DHX16: variants seen among roughly 807,000 people sequenced by gnomAD.
The protein encoded by DHX16 is DEAH-box helicase 16, also known as pre-mRNA-splicing factor ATP-dependent RNA helicase DHX16.
A neutral mutation model predicts 131.2 loss-of-function variants in DHX16; 81 were observed. The ratio of observed to expected loss-of-function variants is 0.62; its 90% CI spans 0.52 to 0.74. The LOEUF (loss-of-function observed/expected upper bound fraction) is 0.74. Among genes scored for constraint, DHX16 ranks in the 30% least tolerant of loss-of-function variants. DHX16 has a pLI of 0.00. For missense variants in DHX16, 980 were observed against 1,363.1 expected, an observed-to-expected ratio of 0.72 and a Z score of 4.43; for synonymous variants, 440 against 520.2, an observed-to-expected ratio of 0.85 and a Z score of 2.10.
Position 30,672,767 on chromosome 6 carries a change from G to A in DHX16, c.75C>T (p.His25=), listed in dbSNP as rs1291901091. The stretch of plus-strand genomic sequence containing the variant: ...CGGTACCGATCAGAAACTGGGCGAC[G>A]TGCCGCTCGCTCAGCCCCAACACCG... ...LHSVLGLSER[H]VAQFLIGTAQ... is the part of the protein sequence containing the mutation. The change falls in exon 1 of 20, where the codon CAC becomes CAT. Residue 25 remains histidine, a synonymous_variant. Coordinates refer to ENST00000376442, the MANE Select transcript of DHX16 (RefSeq NM_003587.5). The A allele has an allele frequency of 2.5e-6, 4 of 1,612,928 alleles. No individual in the cohort carries two copies. Among genetic ancestry groups the A allele is most frequent in the Non-Finnish European group, 3.4e-6 (4 of 1,180,044 alleles).
At chr6:30,668,210 TGAAAA>T (rs1769215528) in intron 4 of DHX16, among the ~76,000 whole-genome samples, 1 of 152,176 alleles carries the variant, frequency 6.6e-6, no homozygotes. Context: ...TTAAATGGTC[TGAAAA>T]GAAAAAACAT....
Position 30,659,799 on chromosome 6 carries a change from T to C in DHX16, c.1791A>G (p.Val597=). 1 of 1,614,180 alleles carries C rather than the reference T, an allele frequency of 6.2e-7. No individual in the cohort carries two copies. The highest frequency in any genetic ancestry group is 8.5e-7 in the Non-Finnish European group (1 of 1,180,020). The change falls in exon 11 of 20, where the codon GTA becomes GTG. Residue 597 remains valine (V), a synonymous_variant. Transcript: ENST00000376442. The stretch of plus-strand genomic sequence containing the variant: ...GGGTCACATGGATCTGCAACACAGA[T>C]ACTACACAAGCTTCCAAGTAGTCAG... ...PEADYLEACV[V]SVLQIHVTQP... is the part of the protein sequence containing the mutation.
chr6:30,668,417 G>A (rs750610532), intron 4 of DHX16, among the ~76,000 whole-genome samples: 3 of 152,112 alleles, frequency 2.0e-5, no homozygotes, highest in African/African-American at 4.8e-5. Flanking sequence ...TTGGGAGACC[G>A]AGGGGGGTGG....
intron 19 of DHX16, among the ~76,000 whole-genome samples, chr6:30,653,931 C>G (rs1387604400): frequency 1.3e-5 from 2 of 151,882 alleles, no homozygotes. Context: ...ATCAGCCTGG[C>G]CAACATGGTG....
rs1350696998 is a variant in DHX16, at chr6:30,670,279, C to T, written c.666+131G>A. ...CAGCTGGCTCCTAACAACCAAGCCC[C>T]TCTTCTAGAAACCTGACCACCCCAT... On this transcript the variant is annotated intron_variant, in intron 4 of 19. Transcript: ENST00000376442. This position sits in a 1 kb window ranked among gnomAD's most constrained non-coding sequence, Gnocchi z 4.4. 1.0e-5 allele frequency: 9 copies of T among 857,398 alleles called. No homozygotes were observed. Among genetic ancestry groups the T allele is most frequent in the Non-Finnish European group, 1.6e-5 (9 of 564,784 alleles). 53.1% of individuals were successfully genotyped at this position (857,398 alleles called of 1,614,324 possible). A position where few individuals can be genotyped will look rare whatever the true frequency, so the allele number is the denominator to read the frequency against.
rs113895272 is a variant in DHX16, at chr6:30,656,615, A to G, written c.2293T>C (p.Leu765=). Residue 765 remains leucine, a synonymous_variant, in exon 14 of 20, where the codon TTG becomes CTG. Transcript: ENST00000376442. The surrounding 1 kb of genome is among the most constrained non-coding windows in gnomAD (Gnocchi z 5.1). ...IQRTSLGNVV[L]LLKSLGIHDL... ...CAATCACCTAAGCTCTTGAGCAGCAACACGACATTGCCCAAGCTGGTCCTC... is the reference window on the plus strand; with the variant it reads ...CAATCACCTAAGCTCTTGAGCAGCAGCACGACATTGCCCAAGCTGGTCCTC... 2 of 1,613,976 alleles carry G rather than the reference A, an allele frequency of 1.2e-6. No individual in the cohort carries two copies. Among genetic ancestry groups the G allele is most frequent in the African/African-American group, 2.7e-5 (2 of 74,896 alleles).
intron 1 of DHX16, among the ~76,000 whole-genome samples, chr6:30,671,612 TG>T (rs1255562932): frequency 1.3e-5 from 2 of 152,118 alleles, no homozygotes; most frequent in African/African-American, 4.8e-5. Flanking sequence ...CCCAAAGTGC[TG>T]GGATTACAGG....
intron 1 of DHX16, 85 bp from the exon 2 acceptor site, chr6:30,671,359 T>A: frequency 7.6e-7 from 1 of 1,315,438 alleles, no homozygotes; most frequent in Non-Finnish European, 1.1e-6. Context: ...TTTAAGCAAT[T>A]ACTTAGTCTT....
intron 4 of DHX16, among the ~76,000 whole-genome samples, chr6:30,667,218 T>C (rs1311468434): frequency 6.6e-6 from 1 of 152,154 alleles, no homozygotes; most frequent in Non-Finnish European, 1.5e-5. Context: ...TTGTTCCTAG[T>C]TGTTGAGGAA....
chr6:30,670,814 A>T lies in DHX16; in HGVS notation c.585T>A (p.Asn195Lys), dbSNP rs766894198. The T allele has an allele frequency of 6.2e-7, 1 of 1,612,996 alleles. No homozygotes were observed. Among genetic ancestry groups the T allele is most frequent in the Non-Finnish European group, 8.5e-7 (1 of 1,180,028 alleles). ...CCTTCTTGTCTGACCGTTCCAGGAC[A>T]TTTCGAGTCCGATCCTTGTCCCGCT... ...VRQRDKDRTRNVLERSDKKAY... is the reference protein window; with the variant it reads ...VRQRDKDRTRKVLERSDKKAY... The change falls in exon 3 of 20, where the codon AAT becomes AAA. Residue 195 changes from asparagine to lysine, a missense_variant. Coordinates refer to ENST00000376442, the MANE Select transcript of DHX16 (RefSeq NM_003587.5). The surrounding 1 kb of genome is among the most constrained non-coding windows in gnomAD (Gnocchi z 4.4).
At chr6:30,668,888 C>T (rs544014829) in intron 4 of DHX16, among the ~76,000 whole-genome samples, 5 of 151,226 alleles carry the variant, frequency 3.3e-5, no homozygotes, top group African/African-American at 1.2e-4. Context: ...GGTGGATCAC[C>T]TGAGGTCAGG....
Position 30,670,910 on chromosome 6 carries a change from C to CTCATCTT in DHX16, c.482_488dup (p.Trp164ArgfsTer2). On this transcript the variant is annotated stop_gained and frameshift_variant, in exon 3 of 20. Coordinates refer to ENST00000376442, the MANE Select transcript of DHX16 (RefSeq NM_003587.5). LOFTEE classifies it high-confidence loss of function. This position sits in a 1 kb window ranked among gnomAD's most constrained non-coding sequence, Gnocchi z 4.4. ...GGCGTTCACGCTCTGTCCGTTCCCACTCATCTTCCGACTCTGGCTTCTCTG... is the reference window on the plus strand; with the variant it reads ...GGCGTTCACGCTCTGTCCGTTCCCACTCATCTTTCATCTTCCGACTCTGGCTTCTCTG... 6.2e-7 allele frequency: 1 copy of CTCATCTT among 1,613,120 alleles called. No individual in the cohort carries two copies. Among genetic ancestry groups the CTCATCTT allele is most frequent in the Non-Finnish European group, 8.5e-7 (1 of 1,180,038 alleles).
chr6:30,655,356 G>T lies in DHX16; in HGVS notation c.2662-20C>A, dbSNP rs1216375692. On this transcript the variant is annotated intron_variant, in intron 17 of 19. Coordinates refer to ENST00000376442, the MANE Select transcript of DHX16 (RefSeq NM_003587.5). ...AGCCCACTGGGAAGACAGTTAAAAA[G>T]AAAGGAGAGATAATTAAGTATACAG... 7.4e-6 allele frequency: 12 copies of T among 1,613,766 alleles called. No individual in the cohort carries two copies. Among genetic ancestry groups the T allele is most frequent in the Non-Finnish European group, 1.0e-5 (12 of 1,179,772 alleles).
chr6:30,662,497 G>A lies in DHX16; in HGVS notation c.1544+130C>T, dbSNP rs1768602344. The A allele has an allele frequency of 1.1e-5, 8 of 715,138 alleles. No homozygotes were observed. Among genetic ancestry groups the A allele is most frequent in the South Asian group, 3.3e-5 (2 of 60,338 alleles). 44.3% of individuals were successfully genotyped at this position (715,138 alleles called of 1,614,324 possible). ...TCTTCTGTCCTCCAGCCCCATCTCC[G>A]TGGTACCTGGAGGTCAGTTCAAGGA... On this transcript the variant is annotated intron_variant, in intron 9 of 19. Transcript: ENST00000376442. This position sits in a 1 kb window ranked among gnomAD's most constrained non-coding sequence, Gnocchi z 4.7.
At chr6:30,667,616 C>T (rs1352540406) in intron 4 of DHX16, among the ~76,000 whole-genome samples, 1 of 151,626 alleles carries the variant, frequency 6.6e-6, no homozygotes, top group Non-Finnish European at 1.5e-5. Flanking sequence ...TTTTGCAATC[C>T]CCAATAAAAA....
At chr6:30,657,643 C>T (rs938885492) in intron 12 of DHX16, among the ~76,000 whole-genome samples, 2 of 152,122 alleles carry the variant, frequency 1.3e-5, no homozygotes, top group Admixed American at 1.3e-4. Context: ...CCTCACTCCT[C>T]CCACACACTG....
Position 30,662,478 on chromosome 6 carries a change from G to T in DHX16, c.1544+149C>A. The stretch of plus-strand genomic sequence containing the variant: ...AGAGGCTTTCTCTACAATCTCTTCT[G>T]TCCTCCAGCCCCATCTCCGTGGTAC... On this transcript the variant is annotated intron_variant, in intron 9 of 19. Coordinates refer to ENST00000376442, the MANE Select transcript of DHX16 (RefSeq NM_003587.5). The surrounding 1 kb of genome is among the most constrained non-coding windows in gnomAD (Gnocchi z 4.7). 1.5e-6 allele frequency: 1 copy of T among 655,794 alleles called. No homozygotes were observed. The allele number at this position is 655,794 out of a possible 1,614,324, so 40.6% of individuals were successfully genotyped here.
At chr6:30,669,744 T>TAAAAAAAAA (rs953317689) in intron 4 of DHX16, among the ~76,000 whole-genome samples, 1 of 113,822 alleles carries the variant, frequency 8.8e-6, no homozygotes. Context: ...AAAAAAGGTT[T>TAAAAAAAAA]AAAAAAAAAA....
chr6:30,656,286 G>C lies in DHX16; in HGVS notation c.2431-21C>G. ...CCAGACTAAGGAGAAGAGAGAGAGA[G>C]TTGAGCCCAGTCCTCCCTCAGGTTT... On this transcript the variant is annotated intron_variant, in intron 15 of 19. Transcript: ENST00000376442. The surrounding 1 kb of genome is among the most constrained non-coding windows in gnomAD (Gnocchi z 5.1). 1 of 1,613,668 alleles carries C rather than the reference G, an allele frequency of 6.2e-7. No homozygotes were observed. Among genetic ancestry groups the C allele is most frequent in the Non-Finnish European group, 8.5e-7 (1 of 1,179,762 alleles).
Sources: allele counts gnomAD v4.1 joint callset (sites outside exome capture counted in the v4.1 genomes callset), GRCh38; gene constraint gnomAD v4.1.1; non-coding constraint Gnocchi (gnomAD v3.1); transcripts MANE v1.5; gene names NCBI Gene and HGNC (gene_info 2026-07-23, HGNC 2026-07-21).